Variants in CLOCK observed in about 807,000 individuals in gnomAD.
CLOCK encodes the protein clock circadian regulator, also known as circadian locomoter output cycles protein kaput.
Under a neutral mutation model 118.4 loss-of-function variants are expected in CLOCK, and 43 were observed. That is an observed-to-expected ratio of 0.36 (90% CI 0.28 to 0.47). The LOEUF is 0.47. Ranked by LOEUF, CLOCK falls within the 20% of genes least tolerant of loss-of-function variation. CLOCK has a pLI of 1.00. For synonymous variants in CLOCK, 326 were observed against 339.2 expected (o/e 0.96, Z 0.43); for missense variants, 846 against 999.9 (o/e 0.85, Z 2.08).
At chr4:55,540,909 ATCG>A (rs1294612302) in intron 1 of CLOCK, 5 of 152,216 alleles carry the variant, frequency 3.3e-5, no homozygotes, top group Non-Finnish European at 5.9e-5. Context: ...AAGAAACTTA[ATCG>A]TCGTCATTAT....
At chr4:55,545,126 A>C (rs1731529754) in intron 1 of CLOCK, among the ~76,000 whole-genome samples, 1 of 150,412 alleles carries the variant, frequency 6.6e-6, no homozygotes, top group African/African-American at 2.4e-5. Context: ...CAGGTTTGTC[A>C]CATATGTATA....
intron 18 of CLOCK, among the ~76,000 whole-genome samples, chr4:55,447,278 C>T (rs1263976530): frequency 2.0e-5 from 3 of 151,978 alleles, no homozygotes; most frequent in East Asian, 1.9e-4. Flanking sequence ...GAGGCGGGAT[C>T]GCCTGAGCTC....
At chr4:55,489,859 A>G (rs1727554330) in intron 2 of CLOCK, among the ~76,000 whole-genome samples, 1 of 152,122 alleles carries the variant, frequency 6.6e-6, no homozygotes, top group South Asian at 2.1e-4. Flanking sequence ...GTTTTTATAT[A>G]TAAGCCCCAT....
chr4:55,507,241 G>A (rs1469715039), intron 2 of CLOCK, among the ~76,000 whole-genome samples: 1 of 152,094 alleles, frequency 6.6e-6, no homozygotes, highest in Non-Finnish European at 1.5e-5. Context: ...CTTGAGCCTG[G>A]GAGATGCAGT....
intron 1 of CLOCK, among the ~76,000 whole-genome samples, chr4:55,543,397 C>G (rs927598247): frequency 6.6e-6 from 1 of 152,124 alleles, no homozygotes; most frequent in Non-Finnish European, 1.5e-5. Context: ...AATGGCAAAG[C>G]AGATGATCAT....
chr4:55,488,007 A>G (rs1194276641), intron 3 of CLOCK, among the ~76,000 whole-genome samples: 1 of 152,138 alleles, frequency 6.6e-6, no homozygotes, highest in African/African-American at 2.4e-5. Flanking sequence ...GCAGTTTCCC[A>G]TATTCTTTCA....
intron 13 of CLOCK, 40 bp downstream of exon 13, chr4:55,455,856 TA>T (rs1724883661): frequency 7.5e-7 from 1 of 1,326,366 alleles, no homozygotes; most frequent in Admixed American, 1.7e-5. Context: ...CTTCTGCTTA[TA>T]AAACAGTTAT....
intron 1 of CLOCK, among the ~76,000 whole-genome samples, chr4:55,515,776 T>C (rs1023295516): frequency 1.8e-4 from 27 of 152,208 alleles, no homozygotes; most frequent in Non-Finnish European, 3.5e-4. Flanking sequence ...ACTTTGGTTT[T>C]AGATCTTTAC....
At chr4:55,532,640 G>A (rs556090532) in intron 1 of CLOCK, among the ~76,000 whole-genome samples, 2 of 152,126 alleles carry the variant, frequency 1.3e-5, no homozygotes, top group Non-Finnish European at 2.9e-5. Flanking sequence ...GCCAAGGTGG[G>A]AGAACTGCTT....
chr4:55,485,569 C>T (rs986625847), intron 3 of CLOCK, among the ~76,000 whole-genome samples: 1 of 152,098 alleles, frequency 6.6e-6, no homozygotes, highest in African/African-American at 2.4e-5. Flanking sequence ...AGATGCCATG[C>T]CACTTCCCTA....
chr4:55,515,807 C>A (rs1729473099), intron 1 of CLOCK, among the ~76,000 whole-genome samples: 1 of 152,172 alleles, frequency 6.6e-6, no homozygotes, highest in African/African-American at 2.4e-5. Context: ...GTATTCCACG[C>A]TATAAATTTC....
chr4:55,527,692 T>C (rs752884838), intron 1 of CLOCK, among the ~76,000 whole-genome samples: 7 of 152,222 alleles, frequency 4.6e-5, no homozygotes, highest in Non-Finnish European at 1.0e-4. Flanking sequence ...AGGTGTTTTA[T>C]GATATTAAGG....
chr4:55,437,477 G>C (rs994217525), intron 22 of CLOCK, among the ~76,000 whole-genome samples: 1 of 152,144 alleles, frequency 6.6e-6, no homozygotes, highest in African/African-American at 2.4e-5. Flanking sequence ...ACTTTCTTCT[G>C]TATCCTATAG....
chr4:55,490,905 C>A (rs748284276), intron 2 of CLOCK, among the ~76,000 whole-genome samples: 1 of 152,062 alleles, frequency 6.6e-6, no homozygotes, highest in Non-Finnish European at 1.5e-5. Flanking sequence ...TTCTCAAGTA[C>A]ACAGAGAACG....
At chr4:55,506,958 A>C (rs1728842561) in intron 2 of CLOCK, among the ~76,000 whole-genome samples, 1 of 152,210 alleles carries the variant, frequency 6.6e-6, no homozygotes, top group Non-Finnish European at 1.5e-5. Flanking sequence ...TCTCTATTAA[A>C]TAGCAATATA....
intron 9 of CLOCK, among the ~76,000 whole-genome samples, chr4:55,462,369 C>T (rs1725403446): frequency 6.6e-6 from 1 of 152,192 alleles, no homozygotes; most frequent in Non-Finnish European, 1.5e-5. Context: ...TCATTGCAAA[C>T]TCAGCCTCCG....
chr4:55,501,645 G>C (rs1728454484), intron 2 of CLOCK: 1 of 152,114 alleles, frequency 6.6e-6, no homozygotes, highest in African/African-American at 2.4e-5. Flanking sequence ...AGTAGAACAA[G>C]GAGTTCAATC....
At chr4:55,444,372 T>C (rs1395053351) in intron 19 of CLOCK, among the ~76,000 whole-genome samples, 1 of 152,164 alleles carries the variant, frequency 6.6e-6, no homozygotes, top group African/African-American at 2.4e-5. Flanking sequence ...TTTTATATTA[T>C]GGATTCAAAC....
intron 1 of CLOCK, among the ~76,000 whole-genome samples, chr4:55,514,336 CTGT>C (rs1729347440): frequency 6.6e-6 from 1 of 152,086 alleles, no homozygotes; most frequent in African/African-American, 2.4e-5. Context: ...TGCATTTAGG[CTGT>C]TATGTCCCCT....
Sources: gnomAD v4.1 joint callset for allele counts (sites outside exome capture counted in the v4.1 genomes callset) on GRCh38, gnomAD v4.1.1 for gene constraint, MANE v1.5 for transcripts, NCBI Gene and HGNC (gene_info 2026-07-23, HGNC 2026-07-21) for gene names.